The following RGS7 variants were observed in gnomAD, a reference collection of about 807,000 sequenced individuals.
RGS7 encodes the protein regulator of G-protein signaling 7.
RGS7 carries 27 observed loss-of-function variants against 81.1 expected under a neutral mutation model. That is an observed-to-expected ratio of 0.33 (90% CI 0.25 to 0.46). The LOEUF is 0.46. Among genes scored for constraint, RGS7 ranks in the 20% least tolerant of loss-of-function variants. The pLI is 1.00. For synonymous variants in RGS7, 208 were observed against 207.7 expected (o/e 1.00, Z -0.01); for missense variants, 396 against 607.4 (o/e 0.65, Z 3.66).
intron 6 of RGS7, among the ~76,000 whole-genome samples, chr1:240,897,596 T>A (rs12732863): frequency 0.13 from 19,408 of 152,116 alleles, 1,340 homozygotes; most frequent in Middle Eastern, 0.18. Flanking sequence ...ATTGATTTGC[T>A]TATGTTGAAC....
intron 2 of RGS7, among the ~76,000 whole-genome samples, chr1:241,177,499 T>A (rs116089149): frequency 1.3e-5 from 2 of 152,124 alleles, no homozygotes; most frequent in African/African-American, 4.8e-5. Flanking sequence ...GGTTTTATTG[T>A]AAATATAAGA....
chr1:241,231,943 G>A (rs993335019), intron 2 of RGS7, among the ~76,000 whole-genome samples: 8 of 152,062 alleles, frequency 5.3e-5, no homozygotes, highest in South Asian at 2.1e-4. Flanking sequence ...TCTTTTAGAC[G>A]TTTTATAACT....
chr1:241,056,394 C>T (rs2061480707), intron 3 of RGS7, among the ~76,000 whole-genome samples: 12 of 152,194 alleles, frequency 7.9e-5, no homozygotes, highest in Admixed American at 7.9e-4. Context: ...CATCTCATCT[C>T]ATTCATTTAC....
At chr1:241,095,033 A>T (rs2064149496) in intron 3 of RGS7, among the ~76,000 whole-genome samples, 1 of 151,946 alleles carries the variant, frequency 6.6e-6, no homozygotes, top group African/African-American at 2.4e-5. Context: ...CCCAAGTAAA[A>T]TTTTTTTTAA....
At position 241,174,443 on chromosome 1, in the gene RGS7, C is replaced by A. The variant is rs1049886615; in HGVS notation, c.79-75681G>T. Among the ~76,000 whole-genome samples, 84 of 152,204 alleles carry A rather than the reference C, an allele frequency of 5.5e-4. 1 individual carries two copies. The highest frequency in any genetic ancestry group is 1.9e-3 in the African/African-American group (77 of 41,450). ...TAAGAAATTGATTGGTTCAGATCCA[C>A]AGAATGAGAATGAGGAGGCACTGAT... is the stretch of plus-strand genomic sequence containing the variant. On this transcript the variant is annotated intron_variant, in intron 2 of 18. Coordinates refer to ENST00000440928, the MANE Select transcript of RGS7 (RefSeq NM_001364886.1).
At chr1:241,259,650 C>CAAAAAAAAA (rs71571832) in intron 2 of RGS7, among the ~76,000 whole-genome samples, 3 of 39,908 alleles carry the variant, frequency 7.5e-5, no homozygotes, top group African/African-American at 1.2e-4. Context: ...AACTCCGTCT[C>CAAAAAAAAA]AAAAAAAAAA....
chr1:241,235,628 C>T (rs934983211), intron 2 of RGS7, among the ~76,000 whole-genome samples: 928 of 61,066 alleles, frequency 0.015, 8 homozygotes, highest in Non-Finnish European at 0.024. Flanking sequence ...TCCCTTTTCT[C>T]TCTTTTTTCT....
At chr1:240,960,097 C>T (rs1681105476) in intron 4 of RGS7, among the ~76,000 whole-genome samples, 1 of 151,026 alleles carries the variant, frequency 6.6e-6, no homozygotes, top group Admixed American at 6.6e-5. Flanking sequence ...TGCAGTGAGC[C>T]GAGATCACAT....
chr1:240,846,343 A>G (rs781025895), intron 9 of RGS7, among the ~76,000 whole-genome samples: 3 of 152,176 alleles, frequency 2.0e-5, no homozygotes, highest in Non-Finnish European at 2.9e-5. Flanking sequence ...GAGTGGTGAG[A>G]GACATTCTTT....
At chr1:241,321,325 C>A (rs1191314449) in intron 2 of RGS7, among the ~76,000 whole-genome samples, 1 of 152,170 alleles carries the variant, frequency 6.6e-6, no homozygotes, top group African/African-American at 2.4e-5. Flanking sequence ...AATGGTCTCT[C>A]TACAGAAGAA....
chr1:240,944,272 GTGTGTGTGTGTATATATATATATATA>G (rs1190211609), intron 4 of RGS7, among the ~76,000 whole-genome samples: 926 of 37,212 alleles, frequency 0.025, 46 homozygotes, highest in Middle Eastern at 0.074. Flanking sequence ...GTGTGTGTGT[GTGTGTGTGTGTATATATATATATATA>G]TATATATATA....
chr1:241,127,589 GC>G lies in RGS7; in HGVS notation c.79-28828del, dbSNP rs1234583682. Among the ~76,000 whole-genome samples, 290 of 152,148 alleles carry G rather than the reference GC, an allele frequency of 1.9e-3. 1 individual carries two copies. Among genetic ancestry groups the G allele is most frequent in the African/African-American group, 6.8e-3 (282 of 41,504 alleles). On this transcript the variant is annotated intron_variant, in intron 2 of 18. Transcript: ENST00000440928. ...GATAGCGTTAGGAGATATACCTAAT[GC>G]TAAATGACGAGTTAATGGGTGCAGC...
At chr1:241,136,137 G>A (rs1271390472) in intron 2 of RGS7, among the ~76,000 whole-genome samples, 1 of 152,122 alleles carries the variant, frequency 6.6e-6, no homozygotes, top group African/African-American at 2.4e-5. Context: ...TTCACTAGCC[G>A]GTAGGTGAAG....
intron 18 of RGS7, among the ~76,000 whole-genome samples, chr1:240,786,254 C>A (rs531847436): frequency 8.0e-4 from 121 of 152,086 alleles, no homozygotes; most frequent in Non-Finnish European, 1.3e-3. Flanking sequence ...GTCCTTCTAC[C>A]TTTTTATACA....
At chr1:241,338,717 T>C (rs2148686959) in intron 2 of RGS7, among the ~76,000 whole-genome samples, 1 of 149,576 alleles carries the variant, frequency 6.7e-6, no homozygotes, top group South Asian at 2.1e-4. Context: ...TAGTATATTA[T>C]ATACAAATAT....
In RGS7 at chr1:241,125,713, T is replaced by C. The variant is rs115998953; in HGVS notation, c.79-26951A>G. On this transcript the variant is annotated intron_variant, in intron 2 of 18. Transcript: ENST00000440928. ...AAATAATAAGTGTGTAAATATTTAT[T>C]ACTCTAAGTAAGGTCCTCTTCAGGG... Among the ~76,000 whole-genome samples, 440 of 152,356 alleles carry C rather than the reference T, an allele frequency of 2.9e-3. 2 individuals are homozygous for C. Among genetic ancestry groups the C allele is most frequent in the African/African-American group, 9.9e-3 (413 of 41,576 alleles).
intron 2 of RGS7, among the ~76,000 whole-genome samples, chr1:241,236,429 T>C (rs1055671581): frequency 6.6e-6 from 1 of 152,206 alleles, no homozygotes; most frequent in Non-Finnish European, 1.5e-5. Context: ...CGGATGCTAA[T>C]ATCTCCTGTT....
At chr1:240,838,003 A>G (rs1694986176) in intron 9 of RGS7, among the ~76,000 whole-genome samples, 1 of 152,196 alleles carries the variant, frequency 6.6e-6, no homozygotes, top group African/African-American at 2.4e-5. Context: ...CACAAAGGAT[A>G]TGGGGGGCTC....
chr1:240,807,231 G>A (rs1464528406), intron 14 of RGS7, among the ~76,000 whole-genome samples: 1 of 152,194 alleles, frequency 6.6e-6, no homozygotes, highest in South Asian at 2.1e-4. Context: ...CTCTAGGCTA[G>A]AGCTTGCTGG....
Sources: gnomAD v4.1 joint callset for allele counts (sites outside exome capture counted in the v4.1 genomes callset) on GRCh38, gnomAD v4.1.1 for gene constraint, MANE v1.5 for transcripts, NCBI Gene and HGNC (gene_info 2026-07-23, HGNC 2026-07-21) for gene names.